RMND1: variants seen among roughly 807,000 people sequenced by gnomAD.
The protein encoded by RMND1 is required for meiotic nuclear division 1 homolog.
Under a neutral mutation model 54.0 loss-of-function variants are expected in RMND1, and 41 were observed. That is an observed-to-expected ratio of 0.76 (90% CI 0.59 to 0.98). The LOEUF (loss-of-function observed/expected upper bound fraction) is 0.98, where lower values mean the gene tolerates loss of function less well. Among genes scored for constraint, RMND1 ranks in the 50% least tolerant of loss-of-function variants. The pLI is 0.00. For synonymous variants in RMND1, 183 were observed against 181.7 expected, an observed-to-expected ratio of 1.01 and a Z score of -0.06; for missense variants, 457 against 532.0, an observed-to-expected ratio of 0.86 and a Z score of 1.39.
chr6:151,440,604 T>C (rs1413930398), intron 2 of RMND1, among the ~76,000 whole-genome samples: 2 of 152,226 alleles, frequency 1.3e-5, no homozygotes, highest in Non-Finnish European at 2.9e-5. Context: ...TCCCATTTAG[T>C]TTGGCTCAAA....
chr6:151,425,063 C>A (rs1236703948), intron 6 of RMND1, among the ~76,000 whole-genome samples: 1 of 152,188 alleles, frequency 6.6e-6, no homozygotes, highest in East Asian at 1.9e-4. Context: ...CTGCCTCAGC[C>A]TCCTGAGTAG....
chr6:151,419,185 C>T (rs2114932706), intron 9 of RMND1, among the ~76,000 whole-genome samples: 1 of 152,146 alleles, frequency 6.6e-6, no homozygotes, highest in South Asian at 2.1e-4. Flanking sequence ...ATGCCTCAGC[C>T]TCCCAAGAAG....
chr6:151,420,247 A>G (rs1780117989), intron 9 of RMND1, among the ~76,000 whole-genome samples: 1 of 152,144 alleles, frequency 6.6e-6, no homozygotes, highest in African/African-American at 2.4e-5. Flanking sequence ...GAGGCTTCAG[A>G]TATGCTGCAG....
intron 8 of RMND1, among the ~76,000 whole-genome samples, 193 bp downstream of exon 8, chr6:151,422,348 G>C (rs973935506): frequency 1.4e-4 from 22 of 152,154 alleles, no homozygotes; most frequent in African/African-American, 5.1e-4. Flanking sequence ...ATGAGGATAT[G>C]CATAGGTTAT....
At position 151,423,276 on chromosome 6, in the gene RMND1, AT is replaced by A. The variant is rs201753168; in HGVS notation, c.937+248del. Reference sequence around the variant, plus strand: ...AGAGAAGAGAAAAAAACAAAGGCTAATATAATCATCATCTAAAAAATACTTT... The same window carrying A: ...AGAGAAGAGAAAAAAACAAAGGCTAAATAATCATCATCTAAAAAATACTTT... On this transcript the variant is annotated intron_variant, in intron 7 of 11. Coordinates refer to ENST00000444024, the MANE Select transcript of RMND1 (RefSeq NM_017909.4). Among the ~76,000 whole-genome samples the A allele has an allele frequency of 9.3e-4, 141 of 152,326 alleles. No homozygotes were observed. In the East Asian group the frequency reaches 0.018, roughly 20 times the overall value.
chr6:151,451,715 C>G (rs146227145), intron 1 of RMND1, among the ~76,000 whole-genome samples: 2 of 152,320 alleles, frequency 1.3e-5, no homozygotes, highest in South Asian at 4.1e-4. Flanking sequence ...TCGATTACAG[C>G]TAGGCTACGA....
At chr6:151,439,094 G>A (rs998631790) in intron 2 of RMND1, among the ~76,000 whole-genome samples, 1 of 152,108 alleles carries the variant, frequency 6.6e-6, no homozygotes, top group Non-Finnish European at 1.5e-5. Context: ...GGGCGACACA[G>A]CAAGACTCCG....
At chr6:151,410,803 C>T (rs1033608587) in intron 10 of RMND1, among the ~76,000 whole-genome samples, 6 of 152,038 alleles carry the variant, frequency 3.9e-5, no homozygotes, top group Non-Finnish European at 7.4e-5. Context: ...TGCAGTATAA[C>T]GAAAGATAAC....
chr6:151,429,562 TG>T lies in RMND1; in HGVS notation c.729+575del, dbSNP rs563985479. ...TTTAACAAACTATTATTGTGTATTT[TG>T]GTAATTTCTAATTTTTGCCATTATA... On this transcript the variant is annotated intron_variant, in intron 5 of 11. Coordinates refer to ENST00000444024, the MANE Select transcript of RMND1 (RefSeq NM_017909.4). 3.2e-3 allele frequency among the ~76,000 whole-genome samples: 493 copies of T among 152,330 alleles called. 2 individuals carry two copies. The highest frequency in any genetic ancestry group is 0.011 in the African/African-American group (457 of 41,566).
intron 2 of RMND1, among the ~76,000 whole-genome samples, chr6:151,438,058 G>C (rs576839913): frequency 1.3e-5 from 2 of 152,178 alleles, no homozygotes; most frequent in Non-Finnish European, 2.9e-5. Flanking sequence ...AGTCACATAT[G>C]AAAGTAGGAA....
At chr6:151,426,506 T>C (rs189822711) in intron 6 of RMND1, among the ~76,000 whole-genome samples, 159 of 152,248 alleles carry the variant, frequency 1.0e-3, no homozygotes, top group African/African-American at 3.7e-3. Context: ...CCCCTCACTA[T>C]ACTTCCTTTT....
rs73783012 is a variant in RMND1 at position 151,436,772 on chromosome 6, C to T, written c.505-218G>A. The stretch of plus-strand genomic sequence containing the variant: ...ATCTTGAAAAGAACTTGCTCCCTCC[C>T]GCCAGGCAAAAAGATGGAATGGATT... On this transcript the variant is annotated intron_variant, in intron 2 of 11. Transcript: ENST00000444024. The T allele has an allele frequency of 6.2e-3, 2,605 of 422,028 alleles. 55 individuals carry two copies. Among genetic ancestry groups the T allele is most frequent in the African/African-American group, 0.047 (2,374 of 50,896 alleles). The allele number at this position is 422,028 out of a possible 1,614,324, so 26.1% of individuals were successfully genotyped here.
At chr6:151,450,370 CCG>C (rs1781113104) in intron 1 of RMND1, among the ~76,000 whole-genome samples, 3 of 145,044 alleles carry the variant, frequency 2.1e-5, no homozygotes, top group Non-Finnish European at 4.5e-5. Flanking sequence ...GGGTCAGCCC[CCG>C]CCAGGCCAGC....
chr6:151,451,216 A>AC lies in RMND1; in HGVS notation c.-15+799_-15+800insG, dbSNP rs1272999000. ...TGATCAATAAAAAAAAAAAAAAAAA[A>AC]AAACACAACCAGCATCCATTCTCTT... On this transcript the variant is annotated intron_variant, in intron 1 of 11. Transcript: ENST00000444024. Among the ~76,000 whole-genome samples the AC allele has an allele frequency of 2.0e-5, 3 of 151,936 alleles. No individual in the cohort carries two copies. In the East Asian group the frequency reaches 5.8e-4, roughly 29 times the overall value.
chr6:151,415,649 T>C (rs1365239827), intron 10 of RMND1, among the ~76,000 whole-genome samples: 3 of 151,742 alleles, frequency 2.0e-5, no homozygotes, highest in African/African-American at 7.3e-5. Context: ...AAAAATTAGC[T>C]GGGCTTGGTG....
intron 1 of RMND1, among the ~76,000 whole-genome samples, chr6:151,451,724 G>A (rs984557560): frequency 6.6e-6 from 1 of 152,158 alleles, no homozygotes; most frequent in Non-Finnish European, 1.5e-5. Flanking sequence ...GCTAGGCTAC[G>A]ATTCGAGAGC....
intron 3 of RMND1, among the ~76,000 whole-genome samples, chr6:151,433,939 A>ACCC (rs143471784): frequency 3.5e-5 from 3 of 86,176 alleles, no homozygotes; most frequent in African/African-American, 1.1e-4. Flanking sequence ...AACTCAAGGG[A>ACCC]CCCCCCCCCG....
chr6:151,424,120 C>T (rs561795272), intron 6 of RMND1, among the ~76,000 whole-genome samples: 4 of 151,926 alleles, frequency 2.6e-5, no homozygotes, highest in Admixed American at 6.6e-5. Flanking sequence ...CAAAGTGGTG[C>T]GACTACAGGT....
chr6:151,435,686 C>T (rs984942474), intron 3 of RMND1, among the ~76,000 whole-genome samples: 29 of 151,544 alleles, frequency 1.9e-4, no homozygotes, highest in Non-Finnish European at 7.4e-5. Context: ...TCCCAAAGTG[C>T]TGCAATTACA....
Sources: allele counts gnomAD v4.1 joint callset (sites outside exome capture counted in the v4.1 genomes callset), GRCh38; gene constraint gnomAD v4.1.1; transcripts MANE v1.5; gene names NCBI Gene and HGNC (gene_info 2026-07-23, HGNC 2026-07-21).